VTA1: variants seen among roughly 807,000 people sequenced by gnomAD.
VTA1 encodes vacuolar protein sorting-associated protein VTA1 homolog.
A neutral mutation model predicts 36.9 loss-of-function variants in VTA1; 24 were observed. The observed-to-expected ratio is 0.65, with a 90% CI of 0.47 to 0.91. The LOEUF (loss-of-function observed/expected upper bound fraction) is 0.91. Among genes scored for constraint, VTA1 ranks in the 40% least tolerant of loss-of-function variants. The pLI is 0.00. For synonymous variants in VTA1, 142 were observed against 130.2 expected (o/e 1.09, Z -0.62); for missense variants, 393 against 377.2 (o/e 1.04, Z -0.35).
chr6:142,196,065 T>C (rs1338016192), intron 5 of VTA1, among the ~76,000 whole-genome samples: 3 of 152,198 alleles, frequency 2.0e-5, no homozygotes, highest in African/African-American at 7.2e-5. Flanking sequence ...TCTGCCAGTT[T>C]GTTTCATTTT....
At chr6:142,206,769 T>G (rs1023354814) in intron 7 of VTA1, among the ~76,000 whole-genome samples, 17 of 150,898 alleles carry the variant, frequency 1.1e-4, no homozygotes, top group African/African-American at 4.1e-4. Context: ...TGAGACAGAG[T>G]CCAAAAATAG....
chr6:142,176,216 C>T (rs568204136), intron 4 of VTA1, among the ~76,000 whole-genome samples: 1 of 152,254 alleles, frequency 6.6e-6, no homozygotes, highest in East Asian at 1.9e-4. Context: ...ATTTTTCATT[C>T]ATAATCTTTG....
intron 1 of VTA1, among the ~76,000 whole-genome samples, chr6:142,160,127 G>C (rs1440446576): frequency 6.6e-6 from 1 of 152,180 alleles, no homozygotes; most frequent in Non-Finnish European, 1.5e-5. Context: ...TGGCCAACAA[G>C]TAATTTGGAG....
At position 142,194,820 on chromosome 6, in the gene VTA1, T is replaced by G. The variant is rs972727432; in HGVS notation, c.521-3619T>G. 2.6e-5 allele frequency among the ~76,000 whole-genome samples: 4 copies of G among 152,282 alleles called. No individual in the cohort carries two copies. The East Asian group carries it at 7.7e-4, about 29-fold the overall frequency. ...TTGCCCTATGTGATACTGAGAAATC[T>G]TCTTTATTTCTAGGGTGCTGAGAAG... On this transcript the variant is annotated intron_variant, in intron 5 of 7. Coordinates refer to ENST00000367630, the MANE Select transcript of VTA1 (RefSeq NM_016485.5).
chr6:142,151,721 T>G (rs770663672), intron 1 of VTA1, among the ~76,000 whole-genome samples: 3 of 152,246 alleles, frequency 2.0e-5, no homozygotes, highest in Non-Finnish European at 4.4e-5. Flanking sequence ...TGTTTTGTTT[T>G]GTTCTTCTGG....
rs934222928 is a variant in VTA1 at position 142,221,616 on chromosome 6, T to C, written c.*2973T>C. On this transcript the variant is annotated 3_prime_UTR_variant, in exon 8 of 8. Transcript: ENST00000367630. ...CCTATGTTGAGAATAGACCGTAAGGTGGGTGGTAAGTAAGGGAGGAAGCTG... is the reference window on the plus strand; with the variant it reads ...CCTATGTTGAGAATAGACCGTAAGGCGGGTGGTAAGTAAGGGAGGAAGCTG... 1.3e-5 allele frequency: 2 copies of C among 151,686 alleles called. No individual in the cohort carries two copies. Among genetic ancestry groups the C allele is most frequent in the African/African-American group, 4.8e-5 (2 of 41,294 alleles). The allele number at this position is 151,686 out of a possible 1,614,324, so 9.4% of individuals were successfully genotyped here.
chr6:142,183,735 G>T (rs1397075795), intron 4 of VTA1, among the ~76,000 whole-genome samples: 1 of 151,988 alleles, frequency 6.6e-6, no homozygotes, highest in African/African-American at 2.4e-5. Flanking sequence ...TTATTTTAAA[G>T]AAAACAACAT....
At chr6:142,207,461 C>T (rs1775815822) in intron 7 of VTA1, among the ~76,000 whole-genome samples, 1 of 152,138 alleles carries the variant, frequency 6.6e-6, no homozygotes, top group Non-Finnish European at 1.5e-5. Context: ...CAGTACCATG[C>T]TGTAGGAGGT....
intron 1 of VTA1, among the ~76,000 whole-genome samples, chr6:142,153,953 C>T (rs999488054): frequency 6.6e-6 from 1 of 152,022 alleles, no homozygotes; most frequent in African/African-American, 2.4e-5. Flanking sequence ...TAATAATGTA[C>T]CATAACCAGA....
chr6:142,200,574 G>A (rs1473406584), intron 6 of VTA1, among the ~76,000 whole-genome samples: 4 of 152,004 alleles, frequency 2.6e-5, no homozygotes, highest in South Asian at 2.1e-4. Context: ...ATAGTAGATC[G>A]ATCCATATGA....
At chr6:142,184,791 C>T (rs1233971347) in intron 4 of VTA1, among the ~76,000 whole-genome samples, 1 of 152,128 alleles carries the variant, frequency 6.6e-6, no homozygotes, top group Non-Finnish European at 1.5e-5. Flanking sequence ...CTTATAATGT[C>T]TCAAAGCCTT....
intron 4 of VTA1, among the ~76,000 whole-genome samples, chr6:142,179,632 T>C (rs940209436): frequency 6.6e-6 from 1 of 152,140 alleles, no homozygotes. Flanking sequence ...CATATACATA[T>C]GTGTGTACAT....
intron 7 of VTA1, among the ~76,000 whole-genome samples, chr6:142,208,352 A>G (rs1431973672): frequency 1.3e-5 from 2 of 152,166 alleles, no homozygotes; most frequent in African/African-American, 4.8e-5. Flanking sequence ...GAAAAAAATC[A>G]GTGAGCTCAA....
Position 142,169,791 on chromosome 6 carries a change from GA to G in VTA1, c.335+121del, listed in dbSNP as rs576671226. On this transcript the variant is annotated intron_variant, in intron 3 of 7. Coordinates refer to ENST00000367630, the MANE Select transcript of VTA1 (RefSeq NM_016485.5). Reference sequence around the variant, plus strand: ...CTGCTGATTGATTTAGGTTTTTTTAGAAAAAAATTATCAAACCTCACGGTGA... The same window carrying G: ...CTGCTGATTGATTTAGGTTTTTTTAGAAAAAATTATCAAACCTCACGGTGA... The G allele has an allele frequency of 2.9e-3, 2,891 of 1,006,654 alleles. 11 individuals are homozygous for G. The highest frequency in any genetic ancestry group is 3.4e-3 in the Non-Finnish European group (2,584 of 753,842). 62.4% of individuals were successfully genotyped at this position (1,006,654 alleles called of 1,614,324 possible). A position where few individuals can be genotyped will look rare whatever the true frequency, so the allele number is the denominator to read the frequency against.
intron 4 of VTA1, among the ~76,000 whole-genome samples, chr6:142,186,594 G>A (rs368231505): frequency 7.2e-5 from 11 of 152,114 alleles, no homozygotes; most frequent in African/African-American, 2.2e-4. Flanking sequence ...TATAGAGAGA[G>A]CTGTTAAAAA....
chr6:142,199,190 A>C (rs1373223201), intron 6 of VTA1, among the ~76,000 whole-genome samples: 2 of 152,012 alleles, frequency 1.3e-5, no homozygotes, highest in East Asian at 1.9e-4. Context: ...AGAGAGACCT[A>C]TCTGTGAATA....
At chr6:142,178,209 G>A (rs909026915) in intron 4 of VTA1, among the ~76,000 whole-genome samples, 8 of 151,990 alleles carry the variant, frequency 5.3e-5, no homozygotes, top group African/African-American at 1.9e-4. Flanking sequence ...TTACACACAG[G>A]GTAACAGTGT....
At chr6:142,168,827 C>T (rs1254403120) in intron 2 of VTA1, among the ~76,000 whole-genome samples, 2 of 150,610 alleles carry the variant, frequency 1.3e-5, no homozygotes, top group African/African-American at 4.9e-5. Flanking sequence ...AGTGCAGTGG[C>T]GCGATCTCAG....
intron 4 of VTA1, among the ~76,000 whole-genome samples, chr6:142,183,684 C>A (rs540408480): frequency 6.6e-6 from 1 of 152,152 alleles, no homozygotes; most frequent in South Asian, 2.1e-4. Context: ...TGAAAATTTC[C>A]TTTTAAAATA....
Sources: allele counts gnomAD v4.1 joint callset (sites outside exome capture counted in the v4.1 genomes callset), GRCh38; gene constraint gnomAD v4.1.1; transcripts MANE v1.5; gene names NCBI Gene and HGNC (gene_info 2026-07-23, HGNC 2026-07-21).